Variants in ERC2 observed in about 807,000 individuals in gnomAD.
ERC2 encodes the protein ERC protein 2.
In ERC2, 42 loss-of-function variants were observed where a neutral mutation model predicts 114.8. The observed-to-expected ratio is 0.37, with a 90% confidence interval of 0.29 to 0.47. The LOEUF (loss-of-function observed/expected upper bound fraction) is 0.47. ERC2 is among the 20% of genes least tolerant of loss of function. The probability of loss-of-function intolerance (pLI) is 0.99; values close to 1 mark genes in which losing one functional copy is unlikely to be tolerated. For synonymous variants in ERC2, 454 were observed against 425.5 expected (o/e 1.07, Z -0.82); for missense variants, 939 against 1,150.7 (o/e 0.82, Z 2.66).
intron 2 of ERC2, among the ~76,000 whole-genome samples, chr3:56,427,859 C>T (rs958095457): frequency 2.0e-5 from 3 of 152,174 alleles, no homozygotes; most frequent in Admixed American, 6.5e-5. Context: ...CAGACTCCAA[C>T]ATATCTTTTT....
At chr3:55,575,856 A>C (rs1255062340) in intron 17 of ERC2, among the ~76,000 whole-genome samples, 1 of 152,204 alleles carries the variant, frequency 6.6e-6, no homozygotes. Flanking sequence ...TGTGCATTAG[A>C]CACATCTGAT....
At chr3:55,762,603 C>A (rs1229365840) in intron 14 of ERC2, among the ~76,000 whole-genome samples, 1 of 152,106 alleles carries the variant, frequency 6.6e-6, no homozygotes, top group Non-Finnish European at 1.5e-5. Context: ...CAAGCAAACC[C>A]TTGGCCAAAG....
chr3:56,375,228 T>C (rs541433838), intron 2 of ERC2, among the ~76,000 whole-genome samples: 2 of 152,276 alleles, frequency 1.3e-5, no homozygotes, highest in Non-Finnish European at 2.9e-5. Context: ...GGGCTAAGCA[T>C]GGGAGAGCGG....
chr3:56,110,270 A>G (rs2078890622), intron 6 of ERC2, among the ~76,000 whole-genome samples: 1 of 152,182 alleles, frequency 6.6e-6, no homozygotes, highest in South Asian at 2.1e-4. Context: ...AAGCAATTTC[A>G]AAGTGCACAG....
At chr3:56,361,950 G>A (rs764820392) in intron 2 of ERC2, among the ~76,000 whole-genome samples, 1 of 152,112 alleles carries the variant, frequency 6.6e-6, no homozygotes, top group Non-Finnish European at 1.5e-5. Context: ...CTCATACTTA[G>A]GAATCAAATG....
At chr3:56,430,439 C>A (rs2061743769) in intron 2 of ERC2, among the ~76,000 whole-genome samples, 1 of 152,192 alleles carries the variant, frequency 6.6e-6, no homozygotes, top group South Asian at 2.1e-4. Context: ...TCATGCCACT[C>A]CAAAGAGTTA....
chr3:55,601,542 C>T (rs1003610553), intron 17 of ERC2, among the ~76,000 whole-genome samples: 6 of 152,216 alleles, frequency 3.9e-5, no homozygotes, highest in Non-Finnish European at 7.3e-5. Context: ...AGCTGTCCTT[C>T]GGCACTGTAA....
chr3:55,794,562 T>C (rs1474788338), intron 14 of ERC2, among the ~76,000 whole-genome samples: 4 of 152,208 alleles, frequency 2.6e-5, no homozygotes, highest in East Asian at 3.8e-4. Context: ...AAGTAAAAAA[T>C]ACAAGAGATG....
chr3:56,196,371 T>C (rs2048104919), intron 3 of ERC2, among the ~76,000 whole-genome samples: 4 of 152,086 alleles, frequency 2.6e-5, no homozygotes. Flanking sequence ...CTAGAATAGG[T>C]AAATTTAAGT....
intron 3 of ERC2, among the ~76,000 whole-genome samples, chr3:56,183,082 A>T (rs775023533): frequency 1.2e-4 from 19 of 152,222 alleles, no homozygotes; most frequent in Non-Finnish European, 2.4e-4. Context: ...ATTAATAGAC[A>T]GTTACACTGA....
At chr3:56,236,502 A>G (rs2150190834) in intron 3 of ERC2, among the ~76,000 whole-genome samples, 1 of 152,266 alleles carries the variant, frequency 6.6e-6, no homozygotes, top group Non-Finnish European at 1.5e-5. Flanking sequence ...TTATTTGTAG[A>G]GGAGGGCATC....
chr3:55,839,231 T>A (rs1391258924), intron 14 of ERC2, among the ~76,000 whole-genome samples: 1 of 151,778 alleles, frequency 6.6e-6, no homozygotes, highest in East Asian at 1.9e-4. Flanking sequence ...ATACTCTTAC[T>A]ACAAAAAATT....
chr3:56,214,539 G>A (rs2049316742), intron 3 of ERC2, among the ~76,000 whole-genome samples: 2 of 152,048 alleles, frequency 1.3e-5, no homozygotes, highest in Admixed American at 1.3e-4. Flanking sequence ...AAAGTGACGG[G>A]GAGAATGGAA....
At chr3:56,366,700 C>T (rs1002503599) in intron 2 of ERC2, among the ~76,000 whole-genome samples, 1 of 152,140 alleles carries the variant, frequency 6.6e-6, no homozygotes, top group Admixed American at 6.6e-5. Flanking sequence ...GTGCTGTCTC[C>T]GTGTTGTTTG....
At chr3:55,841,992 G>C (rs7631663) in intron 14 of ERC2, among the ~76,000 whole-genome samples, 27,207 of 152,024 alleles carry the variant, frequency 0.18, 3,589 homozygotes, top group African/African-American at 0.37. Context: ...CCATATTCAG[G>C]AAAAAGGGGA....
At chr3:55,541,587 T>C (rs1453900287) in intron 17 of ERC2, among the ~76,000 whole-genome samples, 2 of 152,206 alleles carry the variant, frequency 1.3e-5, no homozygotes, top group Admixed American at 6.5e-5. Context: ...CTATCTCTGG[T>C]AGGGAAAGTT....
chr3:55,859,571 CA>C (rs895472462), intron 14 of ERC2, among the ~76,000 whole-genome samples: 2 of 152,054 alleles, frequency 1.3e-5, no homozygotes, highest in Admixed American at 6.5e-5. Flanking sequence ...GCTGTCATTA[CA>C]AACCATTTTG....
In ERC2 at chr3:56,156,474, C is replaced by A. The variant is rs866456815; in HGVS notation, c.1150-7342G>T. ...CGGACACCTCCTGAAGCACTGGAACCAGGTCTGGGAAGTCACTGCAGGGCC... is the reference window on the plus strand; with the variant it reads ...CGGACACCTCCTGAAGCACTGGAACAAGGTCTGGGAAGTCACTGCAGGGCC... On this transcript the variant is annotated intron_variant, in intron 4 of 17. Coordinates refer to ENST00000288221, the MANE Select transcript of ERC2 (RefSeq NM_015576.3). Among the ~76,000 whole-genome samples, 7 of 152,090 alleles carry A rather than the reference C, an allele frequency of 4.6e-5. No individual in the cohort carries two copies. The South Asian group carries it at 1.5e-3, about 32-fold the overall frequency.
intron 2 of ERC2, among the ~76,000 whole-genome samples, chr3:56,367,263 CATT>C (rs2059185242): frequency 7.0e-6 from 1 of 143,044 alleles, no homozygotes; most frequent in Non-Finnish European, 1.5e-5. Context: ...CAATGGGCAG[CATT>C]TTTTTTTTTT....
Sources: gnomAD v4.1 joint callset for allele counts (sites outside exome capture counted in the v4.1 genomes callset) on GRCh38, gnomAD v4.1.1 for gene constraint, MANE v1.5 for transcripts, NCBI Gene and HGNC (gene_info 2026-07-23, HGNC 2026-07-21) for gene names.